MKKS: variants seen among roughly 807,000 people sequenced by gnomAD.
The protein encoded by MKKS is molecular chaperone MKKS.
MKKS carries 29 observed loss-of-function variants against 33.2 expected under a neutral mutation model. That is an observed-to-expected ratio of 0.87 (90% confidence interval 0.65 to 1.19). The LOEUF (loss-of-function observed/expected upper bound fraction) is 1.19. MKKS is among the 50% of genes most tolerant of loss of function. The pLI is 0.00. For synonymous variants in MKKS, 260 were observed against 244.0 expected (o/e 1.07, Z -0.61); for missense variants, 661 against 662.3 (o/e 1.00, Z 0.02).
chr20:10,412,429 A>T lies in MKKS; in HGVS notation c.985+101T>A, dbSNP rs1483737736. 6 of 1,189,608 alleles carry T rather than the reference A, an allele frequency of 5.0e-6. No individual in the cohort carries two copies. In the Admixed American group the frequency reaches 1.0e-4, roughly 20 times the overall value. 73.7% of individuals were successfully genotyped at this position (1,189,608 alleles called of 1,614,324 possible). ...AAATGATACTGACACATGCTGGGTCAATTTTTCAAGATGTTAACAGTGACA... is the reference window on the plus strand; with the variant it reads ...AAATGATACTGACACATGCTGGGTCTATTTTTCAAGATGTTAACAGTGACA... On this transcript the variant is annotated intron_variant, in intron 3 of 5. Transcript: ENST00000347364.
At chr20:10,419,648 T>C (rs777209144) in intron 2 of MKKS, among the ~76,000 whole-genome samples, 6 of 152,098 alleles carry the variant, frequency 3.9e-5, no homozygotes, top group Non-Finnish European at 8.8e-5. Flanking sequence ...TTTGGGTACA[T>C]TGTGAAGTAA....
Position 10,405,157 on chromosome 20 carries a change from T to G in MKKS, c.*90A>C. 9.5e-7 allele frequency: 1 copy of G among 1,058,064 alleles called. No individual in the cohort carries two copies. The highest frequency in any genetic ancestry group is 1.4e-6 in the Non-Finnish European group (1 of 735,556). The allele number at this position is 1,058,064 out of a possible 1,614,324, so 65.5% of individuals were successfully genotyped here. On this transcript the variant is annotated 3_prime_UTR_variant, in exon 6 of 6. Transcript: ENST00000347364. ...TTTGTCCAAATATGTAGAACAGGGC[T>G]TTGGGAGAAAACAAATACACTCACA...
At chr20:10,407,829 T>C in intron 4 of MKKS, 103 bp from the exon 5 acceptor site, 1 of 907,040 alleles carries the variant, frequency 1.1e-6, no homozygotes. Flanking sequence ...AGTGTGATTT[T>C]AATTACAAAA....
chr20:10,425,959 G>A lies in MKKS; in HGVS notation c.-648-5201C>T, dbSNP rs375358330. ...AGTAAATTTTAGATCAAGTAAAATAGAGTTGATATTTATAGTTTCATTTAC... is the reference window on the plus strand; with the variant it reads ...AGTAAATTTTAGATCAAGTAAAATAAAGTTGATATTTATAGTTTCATTTAC... On this transcript the variant is annotated intron_variant, in intron 1 of 5. Coordinates refer to ENST00000347364, the MANE Select transcript of MKKS (RefSeq NM_170784.3). Among the ~76,000 whole-genome samples, 273 of 152,334 alleles carry A rather than the reference G, an allele frequency of 1.8e-3. 7 individuals are homozygous for A. The South Asian group carries it at 0.046, about 25-fold the overall frequency.
chr20:10,419,703 G>C (rs1321644175), intron 2 of MKKS, among the ~76,000 whole-genome samples: 1 of 152,190 alleles, frequency 6.6e-6, no homozygotes, highest in African/African-American at 2.4e-5. Flanking sequence ...CACCACAGTT[G>C]ATCTAACCCA....
intron 1 of MKKS, among the ~76,000 whole-genome samples, chr20:10,427,072 A>G (rs1052688907): frequency 3.7e-5 from 5 of 136,818 alleles, no homozygotes; most frequent in African/African-American, 1.0e-4. Context: ...ACACACACAC[A>G]CACACACAAA....
chr20:10,423,021 C>T (rs1489259221), intron 1 of MKKS, among the ~76,000 whole-genome samples: 2 of 151,990 alleles, frequency 1.3e-5, no homozygotes, highest in Admixed American at 6.6e-5. Flanking sequence ...CTTCAAGTCA[C>T]ATTACTTTTA....
chr20:10,418,637 C>A (rs1186858038), intron 2 of MKKS, among the ~76,000 whole-genome samples: 1 of 152,126 alleles, frequency 6.6e-6, no homozygotes, highest in East Asian at 1.9e-4. Context: ...ATTCACCTAA[C>A]ATTTTAGAGG....
Position 10,401,324 on chromosome 20 carries a change from G to C in MKKS, c.*3923C>G, listed in dbSNP as rs1258012589. ...GGTGCATCTAAATTCAAATTCTGTA[G>C]ATGATTGGCAAAAACTTCCATTATG... On this transcript the variant is annotated 3_prime_UTR_variant, in exon 6 of 6. Coordinates refer to ENST00000347364, the MANE Select transcript of MKKS (RefSeq NM_170784.3). 6.6e-6 allele frequency: 1 copy of C among 152,132 alleles called. No individual in the cohort carries two copies. The highest frequency in any genetic ancestry group is 1.5e-5 in the Non-Finnish European group (1 of 68,012). 9.4% of individuals were successfully genotyped at this position (152,132 alleles called of 1,614,324 possible).
In MKKS at chr20:10,422,893, A is replaced by G. The variant is rs1265836830; in HGVS notation, c.-648-2135T>C. On this transcript the variant is annotated intron_variant, in intron 1 of 5. Coordinates refer to ENST00000347364, the MANE Select transcript of MKKS (RefSeq NM_170784.3). ...CACCTGGCTAATTTTTTGTATTTTT[A>G]GTAGAGACAGGGTTTCACCGTGTTA... 2.6e-5 allele frequency among the ~76,000 whole-genome samples: 4 copies of G among 151,930 alleles called. No individual in the cohort carries two copies. The East Asian group carries it at 7.8e-4, about 30-fold the overall frequency.
chr20:10,427,029 G>GACACACACACACACAC lies in MKKS; in HGVS notation c.-648-6287_-648-6272dup, dbSNP rs377703248. Among the ~76,000 whole-genome samples, 1,298 of 130,714 alleles carry GACACACACACACACAC rather than the reference G, an allele frequency of 9.9e-3. 25 individuals carry two copies. Among genetic ancestry groups the GACACACACACACACAC allele is most frequent in the Non-Finnish European group, 0.012 (794 of 63,696 alleles). 85.8% of individuals were successfully genotyped at this position (130,714 alleles called of 152,430 possible). On this transcript the variant is annotated intron_variant, in intron 1 of 5. Coordinates refer to ENST00000347364, the MANE Select transcript of MKKS (RefSeq NM_170784.3). ...TTAAAGGCCAAGAAAAGAAAACACT[G>GACACACACACACACAC]ACACACACACACACACACACACACA...
At position 10,407,380 on chromosome 20, in the gene MKKS, A is replaced by T. The variant is rs140022319; in HGVS notation, c.1272+236T>A. The stretch of plus-strand genomic sequence containing the variant: ...ATCATTGTAATAAGGATATTACCTT[A>T]TATTTACCTTGTTATTTCCCTCAAG... On this transcript the variant is annotated intron_variant, in intron 5 of 5. Transcript: ENST00000347364. 1.6e-4 allele frequency among the ~76,000 whole-genome samples: 24 copies of T among 152,292 alleles called. No individual in the cohort carries two copies. The East Asian group carries it at 3.9e-3, about 24-fold the overall frequency.
chr20:10,405,637 T>C lies in MKKS; in HGVS notation c.1323A>G (p.Thr441=). The change falls in exon 6 of 6, where the codon ACA becomes ACG. Residue 441 remains threonine (T), a synonymous_variant. Transcript: ENST00000347364. ...ATGCTTCAGCAATTAATTGAAGTTC[T>C]GTTTGAGTACATTCATCATCTTTGA... ...SILKDDECTQ[T]ELQLIAEAFC... The C allele has an allele frequency of 6.2e-7, 1 of 1,614,202 alleles. No individual in the cohort carries two copies. The highest frequency in any genetic ancestry group is 8.5e-7 in the Non-Finnish European group (1 of 1,180,012).
chr20:10,427,627 C>T lies in MKKS; in HGVS notation c.-649+6481G>A, dbSNP rs2065025109. ...AGCAGTTTGAATTGTGGCATTTTTTCTGTGTACACAATAGAAAAGACTGCA... is the reference window on the plus strand; with the variant it reads ...AGCAGTTTGAATTGTGGCATTTTTTTTGTGTACACAATAGAAAAGACTGCA... On this transcript the variant is annotated intron_variant, in intron 1 of 5. Coordinates refer to ENST00000347364, the MANE Select transcript of MKKS (RefSeq NM_170784.3). Among the ~76,000 whole-genome samples the T allele has an allele frequency of 1.3e-5, 2 of 152,148 alleles. 1 individual carries two copies. Among genetic ancestry groups the T allele is most frequent in the South Asian group, 4.1e-4 (2 of 4,832 alleles).
Position 10,413,583 on chromosome 20 carries a change from T to A in MKKS, c.-69A>T. 6.6e-7 allele frequency: 1 copy of A among 1,508,878 alleles called. No homozygotes were observed. Among genetic ancestry groups the A allele is most frequent in the Non-Finnish European group, 9.2e-7 (1 of 1,088,550 alleles). 93.5% of individuals were successfully genotyped at this position (1,508,878 alleles called of 1,614,324 possible). A position where few individuals can be genotyped will look rare whatever the true frequency, so the allele number is the denominator to read the frequency against. ...AACCACATTTTTCTATTTATTGCAT[T>A]ATCACGTTTTAACATTAAAAATTAT... is the stretch of plus-strand genomic sequence containing the variant. On this transcript the variant is annotated 5_prime_UTR_variant, in exon 3 of 6. Transcript: ENST00000347364.
At position 10,412,945 on chromosome 20, in the gene MKKS, A is replaced by G. The variant is rs1191520552; in HGVS notation, c.570T>C (p.Ala190=). 3 of 1,613,898 alleles carry G rather than the reference A, an allele frequency of 1.9e-6. No individual in the cohort carries two copies. Among genetic ancestry groups the G allele is most frequent in the Non-Finnish European group, 2.5e-6 (3 of 1,179,924 alleles). ...RAFLLTIPEN[A]EGHIILGKSL... is the part of the protein sequence containing the mutation. ...TCTTTCCTAAAATGATGTGGCCTTC[A>G]GCATTTTCTGGAATTGTAAGCAAAA... is the stretch of plus-strand genomic sequence containing the variant. Residue 190 remains alanine (A), a synonymous_variant, in exon 3 of 6, where the codon GCT becomes GCC. Transcript: ENST00000347364.
At chr20:10,427,482 A>C (rs963373025) in intron 1 of MKKS, among the ~76,000 whole-genome samples, 1 of 152,218 alleles carries the variant, frequency 6.6e-6, no homozygotes, top group Non-Finnish European at 1.5e-5. Context: ...GTTTACTGGA[A>C]TTGTACTATG....
intron 5 of MKKS, among the ~76,000 whole-genome samples, 168 bp downstream of exon 5, chr20:10,407,448 G>C (rs2064850956): frequency 6.6e-6 from 1 of 152,130 alleles, no homozygotes. Flanking sequence ...GAAAAATTCA[G>C]TGTTAAAGGC....
chr20:10,431,527 AAAACCAAACCAAACCAAACC>A (rs60563851), intron 1 of MKKS, among the ~76,000 whole-genome samples: 40 of 150,844 alleles, frequency 2.7e-4, no homozygotes, highest in East Asian at 9.8e-4. Context: ...ATAGGGTCAA[AAAACCAAACCAAACCAAACC>A]AAACCAAACC....
Sources: gnomAD v4.1 joint callset for allele counts (sites outside exome capture counted in the v4.1 genomes callset) on GRCh38, gnomAD v4.1.1 for gene constraint, MANE v1.5 for transcripts, NCBI Gene and HGNC (gene_info 2026-07-23, HGNC 2026-07-21) for gene names.